NR3C2: variants seen among roughly 807,000 people sequenced by gnomAD.
NR3C2 encodes the protein mineralocorticoid receptor.
NR3C2 carries 15 observed loss-of-function variants against 86.4 expected under a neutral mutation model. The observed-to-expected ratio is 0.17, with a 90% CI of 0.12 to 0.27. NR3C2 has a LOEUF of 0.27. NR3C2 is among the 10% of genes least tolerant of loss of function. The probability of loss-of-function intolerance (pLI) is 1.00; values close to 1 mark genes in which losing one functional copy is unlikely to be tolerated. For synonymous variants in NR3C2, 458 were observed against 450.5 expected (o/e 1.02, Z -0.21); for missense variants, 960 against 1,195.6 (o/e 0.80, Z 2.91).
chr4:148,171,170 G>A (rs1356100238), intron 4 of NR3C2, among the ~76,000 whole-genome samples: 2 of 152,112 alleles, frequency 1.3e-5, no homozygotes, highest in Non-Finnish European at 2.9e-5. Flanking sequence ...CCCAAGCGTC[G>A]ACTTCCTGCT....
intron 6 of NR3C2, among the ~76,000 whole-genome samples, chr4:148,128,348 C>A (rs1479935035): frequency 6.6e-6 from 1 of 152,176 alleles, no homozygotes; most frequent in Non-Finnish European, 1.5e-5. Context: ...TCTGGAAGTC[C>A]TTCTAGAAGT....
At chr4:148,082,862 G>C (rs975162947) in intron 8 of NR3C2, among the ~76,000 whole-genome samples, 3 of 152,000 alleles carry the variant, frequency 2.0e-5, no homozygotes, top group African/African-American at 7.3e-5. Context: ...AAGTCGACCC[G>C]GGATGCTCGA....
At position 148,261,574 on chromosome 4, in the gene NR3C2, G is replaced by A. The variant is rs546543223; in HGVS notation, c.1758-1457C>T. On this transcript the variant is annotated intron_variant, in intron 2 of 8. Coordinates refer to ENST00000358102, the MANE Select transcript of NR3C2 (RefSeq NM_000901.5). ...CCTGAGTTTTGAAGCATGACTAGGT[G>A]AGAGCCAGAGTAAGAAAGGGGGCAG... Among the ~76,000 whole-genome samples, 85 of 152,336 alleles carry A rather than the reference G, an allele frequency of 5.6e-4. 1 individual carries two copies. In the South Asian group the frequency reaches 0.016, roughly 29 times the overall value.
upstream of NR3C2, chr4:148,444,575 A>G (rs889186857): frequency 8.7e-5 from 86 of 988,226 alleles, no homozygotes; most frequent in African/African-American, 8.6e-4. Flanking sequence ...GGGAACGGCT[A>G]GACTCCCGCC....
chr4:148,295,154 T>C (rs1482564297), intron 2 of NR3C2, among the ~76,000 whole-genome samples: 2 of 152,184 alleles, frequency 1.3e-5, no homozygotes, highest in Non-Finnish European at 2.9e-5. Flanking sequence ...GAGGATTTTG[T>C]ATTTTGCCTG....
At chr4:148,191,664 G>A (rs1041813629) in intron 4 of NR3C2, among the ~76,000 whole-genome samples, 7 of 152,110 alleles carry the variant, frequency 4.6e-5, no homozygotes, top group African/African-American at 7.2e-5. Context: ...ACTTCCTGGA[G>A]GTTTTGTTCA....
chr4:148,279,234 GA>G (rs1296674386), intron 2 of NR3C2, among the ~76,000 whole-genome samples: 2 of 152,066 alleles, frequency 1.3e-5, no homozygotes, highest in African/African-American at 4.8e-5. Context: ...GTCAAAGGGT[GA>G]AAAAAATCAA....
chr4:148,243,023 G>GTT (rs528509376), intron 3 of NR3C2, among the ~76,000 whole-genome samples: 79 of 140,512 alleles, frequency 5.6e-4, no homozygotes, highest in South Asian at 1.6e-3. Flanking sequence ...TACTTTTCAG[G>GTT]TTTTTTTTTT....
At chr4:148,114,574 A>G (rs962087007) in intron 7 of NR3C2, among the ~76,000 whole-genome samples, 6 of 152,198 alleles carry the variant, frequency 3.9e-5, no homozygotes, top group African/African-American at 1.4e-4. Context: ...AGGCTGAATC[A>G]CTTGCCCATG....
chr4:148,440,217 A>C (rs1457053659), intron 1 of NR3C2, among the ~76,000 whole-genome samples: 1 of 152,250 alleles, frequency 6.6e-6, no homozygotes, highest in Non-Finnish European at 1.5e-5. Flanking sequence ...TTTTTCAAAT[A>C]GCATTATTGA....
chr4:148,256,675 GTTA>G (rs1739849502), intron 3 of NR3C2, among the ~76,000 whole-genome samples: 1 of 151,950 alleles, frequency 6.6e-6, no homozygotes, highest in East Asian at 1.9e-4. Context: ...CTTTTTTTAA[GTTA>G]TTATTATTTC....
chr4:148,379,188 C>T (rs1238322362), intron 2 of NR3C2, among the ~76,000 whole-genome samples: 1 of 151,894 alleles, frequency 6.6e-6, no homozygotes, highest in Admixed American at 6.6e-5. Flanking sequence ...AGATCTCTTT[C>T]AGAATGTGCA....
At chr4:148,307,847 A>T (rs551496177) in intron 2 of NR3C2, among the ~76,000 whole-genome samples, 46 of 147,914 alleles carry the variant, frequency 3.1e-4, no homozygotes, top group African/African-American at 1.1e-3. Context: ...CTGCATCATT[A>T]AAAAAAACAA....
intron 6 of NR3C2, among the ~76,000 whole-genome samples, chr4:148,122,271 T>C (rs561236883): frequency 1.2e-4 from 19 of 152,330 alleles, no homozygotes; most frequent in South Asian, 6.2e-4. Flanking sequence ...AGTAACACCA[T>C]TTTTATTCCT....
At position 148,261,363 on chromosome 4, in the gene NR3C2, G is replaced by A. The variant is rs34090627; in HGVS notation, c.1758-1246C>T. Among the ~76,000 whole-genome samples the A allele has an allele frequency of 6.0e-4, 65 of 108,536 alleles. 1 individual carries two copies. The highest frequency in any genetic ancestry group is 2.1e-3 in the Admixed American group (20 of 9,708). The allele number at this position is 108,536 out of a possible 152,430, so 71.2% of individuals were successfully genotyped here. A position where few individuals can be genotyped will look rare whatever the true frequency, so the allele number is the denominator to read the frequency against. On this transcript the variant is annotated intron_variant, in intron 2 of 8. Coordinates refer to ENST00000358102, the MANE Select transcript of NR3C2 (RefSeq NM_000901.5). ...AGCCCTATGGTGCGCTATGGTAAGCGCTATGGTGCGCTATGGTCAGTGTAT... is the reference window on the plus strand; with the variant it reads ...AGCCCTATGGTGCGCTATGGTAAGCACTATGGTGCGCTATGGTCAGTGTAT...
At chr4:148,195,010 G>C in intron 3 of NR3C2, 148 bp from the exon 4 acceptor site, 1 of 645,236 alleles carries the variant, frequency 1.5e-6, no homozygotes, top group Non-Finnish European at 2.7e-6. Context: ...GGATAATATA[G>C]AGGAGGAGAT....
rs61760290 is a variant in NR3C2, at chr4:148,251,771, C to T, written c.1897+8207G>A. Among the ~76,000 whole-genome samples, 83 of 152,056 alleles carry T rather than the reference C, an allele frequency of 5.5e-4. 1 individual carries two copies. The highest frequency in any genetic ancestry group is 7.4e-4 in the Non-Finnish European group (50 of 68,002). ...ATTCCTTAAGAAAAAATAGAGATTA[C>T]CCAATTTCTTTTCCACTAAGGCAAC... On this transcript the variant is annotated intron_variant, in intron 3 of 8. Transcript: ENST00000358102.
intron 2 of NR3C2, among the ~76,000 whole-genome samples, chr4:148,290,269 G>C (rs1741736725): frequency 6.6e-6 from 1 of 152,106 alleles, no homozygotes; most frequent in Non-Finnish European, 1.5e-5. Context: ...CAGCCTAACA[G>C]CTTCATTTTA....
intron 2 of NR3C2, among the ~76,000 whole-genome samples, chr4:148,268,545 A>G (rs189310422): frequency 2.6e-5 from 4 of 152,328 alleles, no homozygotes; most frequent in Admixed American, 2.6e-4. Flanking sequence ...AATTAAAAAT[A>G]CCTTGGAAAA....
Sources: allele counts gnomAD v4.1 joint callset (sites outside exome capture counted in the v4.1 genomes callset), GRCh38; gene constraint gnomAD v4.1.1; transcripts MANE v1.5; gene names NCBI Gene and HGNC (gene_info 2026-07-23, HGNC 2026-07-21).